The following TAOK1 variants were observed in gnomAD, a reference collection of about 807,000 sequenced individuals.
TAOK1 encodes the protein TAO kinase 1.
Under a neutral mutation model 138.3 loss-of-function variants are expected in TAOK1, and 21 were observed. The ratio of observed to expected loss-of-function variants is 0.15; its 90% confidence interval spans 0.11 to 0.22. TAOK1 has a LOEUF of 0.22. Among genes scored for constraint, TAOK1 ranks in the 10% least tolerant of loss-of-function variants. The pLI, the probability that TAOK1 is intolerant of heterozygous loss-of-function variation, is 1.00. For synonymous variants in TAOK1, 361 were observed against 398.4 expected, an observed-to-expected ratio of 0.91 and a Z score of 1.12; for missense variants, 651 against 1,227.7, an observed-to-expected ratio of 0.53 and a Z score of 7.02.
chr17:29,421,505 T>C (rs1165413164), intron 1 of TAOK1, among the ~76,000 whole-genome samples: 1 of 152,210 alleles, frequency 6.6e-6, no homozygotes, highest in Admixed American at 6.5e-5. Flanking sequence ...TTTTCTTAGA[T>C]ATTTGATAGA....
intron 2 of TAOK1, among the ~76,000 whole-genome samples, chr17:29,457,120 G>A (rs1279752897): frequency 8.7e-6 from 1 of 114,388 alleles, no homozygotes; most frequent in Non-Finnish European, 1.7e-5. Context: ...TTGAGACAGA[G>A]TCTCACTCTG....
intron 1 of TAOK1, among the ~76,000 whole-genome samples, chr17:29,410,803 C>G (rs7211006): frequency 6.7e-6 from 1 of 149,918 alleles, no homozygotes; most frequent in Non-Finnish European, 1.5e-5. Context: ...GCCTGGCTAA[C>G]GTATTTTTTT....
intron 1 of TAOK1, among the ~76,000 whole-genome samples, chr17:29,394,974 G>A (rs1598461496): frequency 6.6e-6 from 1 of 152,020 alleles, no homozygotes; most frequent in Non-Finnish European, 1.5e-5. Context: ...TAGGCATGGT[G>A]GTTTATGCCT....
At chr17:29,522,553 G>T (rs1185017811) in intron 17 of TAOK1, 34 bp downstream of exon 17, 1 of 1,610,828 alleles carries the variant, frequency 6.2e-7, no homozygotes, top group Admixed American at 1.7e-5. Flanking sequence ...ATAACAGGGA[G>T]GAGAATGAAA....
intron 8 of TAOK1, among the ~76,000 whole-genome samples, chr17:29,483,443 T>C (rs968132095): frequency 6.6e-6 from 1 of 152,178 alleles, no homozygotes; most frequent in Non-Finnish European, 1.5e-5. Flanking sequence ...CTGTTGGTAA[T>C]TTTGATTAAT....
At chr17:29,486,914 G>A (rs931724229) in intron 8 of TAOK1, among the ~76,000 whole-genome samples, 1 of 152,150 alleles carries the variant, frequency 6.6e-6, no homozygotes, top group Admixed American at 6.5e-5. Context: ...TGGTCACAAA[G>A]ATGGGATATT....
At chr17:29,443,483 A>G (rs1233241924) in intron 1 of TAOK1, among the ~76,000 whole-genome samples, 1 of 152,130 alleles carries the variant, frequency 6.6e-6, no homozygotes, top group East Asian at 1.9e-4. Context: ...TTTCTTGGAG[A>G]TGTATGGGTT....
intron 19 of TAOK1, among the ~76,000 whole-genome samples, 167 bp downstream of exon 19, chr17:29,534,467 A>T (rs959018474): frequency 2.6e-5 from 4 of 152,306 alleles, no homozygotes; most frequent in African/African-American, 9.6e-5. Context: ...TTACTGATTC[A>T]CTGATGAACC....
At chr17:29,475,496 T>A (rs946834093) in intron 3 of TAOK1, among the ~76,000 whole-genome samples, 174 bp from the exon 4 acceptor site, 1 of 152,120 alleles carries the variant, frequency 6.6e-6, no homozygotes. Context: ...GCTGAGATTG[T>A]GCCACTGCAC....
chr17:29,534,633 G>A (rs2032191188), intron 19 of TAOK1, among the ~76,000 whole-genome samples: 1 of 152,154 alleles, frequency 6.6e-6, no homozygotes, highest in Non-Finnish European at 1.5e-5. Context: ...TCTACCTAAG[G>A]AGGTTGGAGA....
intron 1 of TAOK1, among the ~76,000 whole-genome samples, chr17:29,422,916 T>A (rs1007685982): frequency 6.6e-6 from 1 of 152,064 alleles, no homozygotes; most frequent in East Asian, 1.9e-4. Context: ...TCCTAGCTAC[T>A]CAGGAGGCTG....
chr17:29,527,738 A>G (rs1034764701), intron 17 of TAOK1, among the ~76,000 whole-genome samples: 1 of 152,218 alleles, frequency 6.6e-6, no homozygotes, highest in African/African-American at 2.4e-5. Context: ...AATTTCAACA[A>G]TAGGTTCTGC....
intron 3 of TAOK1, among the ~76,000 whole-genome samples, chr17:29,468,764 G>A (rs1273012533): frequency 6.6e-6 from 1 of 150,588 alleles, no homozygotes; most frequent in Non-Finnish European, 1.5e-5. Flanking sequence ...GGCCAGGCTG[G>A]TCTTGAACTT....
chr17:29,482,307 T>C lies in TAOK1; in HGVS notation c.655+19T>C. The C allele has an allele frequency of 1.3e-6, 2 of 1,563,652 alleles. No homozygotes were observed. The highest frequency in any genetic ancestry group is 3.4e-4 in the Middle Eastern group (2 of 5,960). ...GAACTAGGTAAGCATTGTTCTTCAT[T>C]ACTATGGATTAAGTTTTGATCAATG... is the stretch of plus-strand genomic sequence containing the variant. On this transcript the variant is annotated intron_variant, in intron 8 of 19. Coordinates refer to ENST00000261716, the MANE Select transcript of TAOK1 (RefSeq NM_020791.4).
In TAOK1 at chr17:29,530,746, G is replaced by T. The variant is rs114062907; in HGVS notation, c.2361+127G>T. On this transcript the variant is annotated intron_variant, in intron 18 of 19. Transcript: ENST00000261716. ...CTCCTGAAGCTTGGGAAATGTGGTG[G>T]TGGTTCATTTTCTTCCTGTTCTCAA... 9.1e-6 allele frequency: 7 copies of T among 768,704 alleles called. No individual in the cohort carries two copies. In the South Asian group the frequency reaches 1.2e-4, roughly 13 times the overall value. 47.6% of individuals were successfully genotyped at this position (768,704 alleles called of 1,614,324 possible).
intron 15 of TAOK1, among the ~76,000 whole-genome samples, chr17:29,516,190 A>G (rs1008431345): frequency 6.6e-6 from 1 of 151,862 alleles, no homozygotes; most frequent in African/African-American, 2.4e-5. Flanking sequence ...TGCGCTCCCA[A>G]CCTCAGGTGA....
intron 8 of TAOK1, among the ~76,000 whole-genome samples, chr17:29,483,256 T>G (rs1287456504): frequency 6.6e-6 from 1 of 151,894 alleles, no homozygotes; most frequent in Non-Finnish European, 1.5e-5. Context: ...TTTTGTATTT[T>G]TAGCAGAGAC....
At chr17:29,408,306 A>G (rs1250619427) in intron 1 of TAOK1, among the ~76,000 whole-genome samples, 2 of 150,098 alleles carry the variant, frequency 1.3e-5, no homozygotes, top group African/African-American at 4.9e-5. Flanking sequence ...GCACACCCCA[A>G]CGTCTGCCTC....
intron 1 of TAOK1, among the ~76,000 whole-genome samples, chr17:29,424,284 A>G (rs1457072821): frequency 6.6e-6 from 1 of 151,410 alleles, no homozygotes; most frequent in South Asian, 2.1e-4. Context: ...AAAATACAAA[A>G]AAATTAGCCA....
Sources: allele counts gnomAD v4.1 joint callset (sites outside exome capture counted in the v4.1 genomes callset), GRCh38; gene constraint gnomAD v4.1.1; transcripts MANE v1.5; gene names NCBI Gene and HGNC (gene_info 2026-07-23, HGNC 2026-07-21).